The following DZIP3 variants were observed in gnomAD, a reference collection of about 807,000 sequenced individuals.
DZIP3 encodes the protein DAZ interacting zinc finger protein 3, also known as E3 ubiquitin-protein ligase DZIP3.
In DZIP3, 118 loss-of-function variants were observed where a neutral mutation model predicts 162.0. That is an observed-to-expected ratio of 0.73 (90% confidence interval 0.63 to 0.85). The LOEUF (loss-of-function observed/expected upper bound fraction) is 0.85. Ranked by LOEUF, DZIP3 falls within the 40% of genes least tolerant of loss-of-function variation. The pLI is 0.00. For missense variants in DZIP3, 1,331 were observed against 1,407.0 expected (o/e 0.95, Z 0.86); for synonymous variants, 438 against 458.6 (o/e 0.96, Z 0.57).
At chr3:108,674,834 G>A (rs1331330939) in intron 24 of DZIP3, among the ~76,000 whole-genome samples, 2 of 151,676 alleles carry the variant, frequency 1.3e-5, no homozygotes, top group Non-Finnish European at 2.9e-5. Context: ...TGGGACCCAG[G>A]CATCATTATT....
At chr3:108,629,397 C>T (rs991920868) in intron 8 of DZIP3, among the ~76,000 whole-genome samples, 3 of 152,154 alleles carry the variant, frequency 2.0e-5, no homozygotes, top group East Asian at 3.8e-4. Context: ...AATAATGATA[C>T]TAGGCCAGTA....
intron 21 of DZIP3, among the ~76,000 whole-genome samples, chr3:108,668,002 G>A (rs1011976184): frequency 6.6e-6 from 1 of 152,066 alleles, no homozygotes; most frequent in Non-Finnish European, 1.5e-5. Flanking sequence ...TCTGAACATT[G>A]CCCAAGAGTA....
At chr3:108,684,181 GTGTT>G in intron 26 of DZIP3, 31 bp from the exon 27 acceptor site, 1 of 1,567,322 alleles carries the variant, frequency 6.4e-7, no homozygotes, top group Non-Finnish European at 8.6e-7. Flanking sequence ...GTGGGGGGGG[GTGTT>G]GTTTATTATT....
In DZIP3 at chr3:108,688,917, A is replaced by G. The variant is rs368003594; in HGVS notation, c.3509A>G (p.His1170Arg). 1.2e-6 allele frequency: 2 copies of G among 1,613,954 alleles called. No homozygotes were observed. The highest frequency in any genetic ancestry group is 1.7e-6 in the Non-Finnish European group (2 of 1,179,948). ...GTTTTGCCTTGCGCTCACAAATTCCATGCTCAGGTAACACTTTAAATTTTC... is the reference window on the plus strand; with the variant it reads ...GTTTTGCCTTGCGCTCACAAATTCCGTGCTCAGGTAACACTTTAAATTTTC... ...LSVLPCAHKF[H>R]AQCIRPWLMQ... Residue 1170 changes from histidine to arginine, a missense_variant, in exon 31 of 33, where the codon CAT becomes CGT. By Grantham distance (29) the His-to-Arg change is conservative (BLOSUM62 0). Transcript: ENST00000361582.
chr3:108,593,425 T>C (rs1939533841), intron 1 of DZIP3, among the ~76,000 whole-genome samples: 1 of 151,350 alleles, frequency 6.6e-6, no homozygotes, highest in African/African-American at 2.5e-5. Context: ...TTCAGGATTT[T>C]ATTATATACC....
intron 7 of DZIP3, 36 bp from the exon 8 acceptor site, chr3:108,629,026 C>G (rs1941709825): frequency 1.5e-6 from 2 of 1,342,614 alleles, no homozygotes; most frequent in Non-Finnish European, 2.1e-6. Context: ...CTACACAGTC[C>G]CGTTCAAACT....
At chr3:108,606,430 A>G (rs1160548162) in intron 2 of DZIP3, among the ~76,000 whole-genome samples, 1 of 152,232 alleles carries the variant, frequency 6.6e-6, no homozygotes, top group Non-Finnish European at 1.5e-5. Context: ...GACTAAGACA[A>G]TATTTGTGTA....
rs562752542 is a variant in DZIP3 at position 108,667,040 on chromosome 3, C to T, written c.2424-2641C>T. 9.9e-5 allele frequency among the ~76,000 whole-genome samples: 15 copies of T among 151,902 alleles called. No individual in the cohort carries two copies. In the South Asian group the frequency reaches 2.9e-3, roughly 30 times the overall value. ...TTATAAAGATTAGAAATAATGGGAGCAGGATGCAGTGGTGCACACCTGTAG... is the reference window on the plus strand; with the variant it reads ...TTATAAAGATTAGAAATAATGGGAGTAGGATGCAGTGGTGCACACCTGTAG... On this transcript the variant is annotated intron_variant, in intron 21 of 32. Coordinates refer to ENST00000361582, the MANE Select transcript of DZIP3 (RefSeq NM_014648.4).
At chr3:108,650,124 A>G (rs1321415818) in intron 17 of DZIP3, among the ~76,000 whole-genome samples, 1 of 151,874 alleles carries the variant, frequency 6.6e-6, no homozygotes, top group Non-Finnish European at 1.5e-5. Context: ...AAATTAAAAT[A>G]TGGTAATGCT....
chr3:108,620,331 A>G (rs1941265705), intron 5 of DZIP3, among the ~76,000 whole-genome samples: 1 of 152,232 alleles, frequency 6.6e-6, no homozygotes. Context: ...GGTGCTCAGC[A>G]TAAATCATAG....
chr3:108,616,019 C>G (rs1462614363), intron 4 of DZIP3, among the ~76,000 whole-genome samples: 2 of 152,096 alleles, frequency 1.3e-5, no homozygotes, highest in Non-Finnish European at 2.9e-5. Flanking sequence ...AATCCCAGCA[C>G]TTTAGGAGGC....
At chr3:108,636,783 A>T (rs1305339986) in intron 11 of DZIP3, 75 bp downstream of exon 11, 1 of 1,029,618 alleles carries the variant, frequency 9.7e-7, no homozygotes, top group Admixed American at 2.5e-5. Context: ...CTTGAAACAG[A>T]CCTGGGGATC....
chr3:108,609,021 A>G (rs1940550318), intron 3 of DZIP3, among the ~76,000 whole-genome samples: 1 of 152,134 alleles, frequency 6.6e-6, no homozygotes, highest in East Asian at 1.9e-4. Flanking sequence ...AGAGAAAGAG[A>G]CCAAAGGGGA....
At chr3:108,611,458 A>G in intron 4 of DZIP3, 129 bp downstream of exon 4, 1 of 1,137,994 alleles carries the variant, frequency 8.8e-7, no homozygotes, top group Non-Finnish European at 1.2e-6. Context: ...ACTTCTTGTA[A>G]AGGGCTTTGT....
chr3:108,612,897 C>G (rs1053739810), intron 4 of DZIP3, among the ~76,000 whole-genome samples: 2 of 151,970 alleles, frequency 1.3e-5, no homozygotes, highest in Non-Finnish European at 2.9e-5. Flanking sequence ...AAGTAAAATA[C>G]TGAGTAAAAT....
chr3:108,616,017 C>T (rs1357826142), intron 4 of DZIP3, among the ~76,000 whole-genome samples: 1 of 152,102 alleles, frequency 6.6e-6, no homozygotes, highest in East Asian at 1.9e-4. Flanking sequence ...GTAATCCCAG[C>T]ACTTTAGGAG....
At chr3:108,655,793 C>T (rs1559761776) in intron 19 of DZIP3, among the ~76,000 whole-genome samples, 2 of 152,204 alleles carry the variant, frequency 1.3e-5, no homozygotes, top group African/African-American at 2.4e-5. Flanking sequence ...GGGTCACTCC[C>T]ACCCTAATGC....
At chr3:108,592,296 A>G (rs916550427) in intron 1 of DZIP3, among the ~76,000 whole-genome samples, 2 of 152,170 alleles carry the variant, frequency 1.3e-5, no homozygotes, top group African/African-American at 2.4e-5. Context: ...TTGGTGACTG[A>G]TAGTGGATGT....
chr3:108,635,085 C>T, intron 10 of DZIP3, 113 bp downstream of exon 10: 1 of 593,890 alleles, frequency 1.7e-6, no homozygotes, highest in Non-Finnish European at 2.9e-6. Flanking sequence ...CTTTTTACTT[C>T]CTCCTTTTTT....
Sources: gnomAD v4.1 joint callset for allele counts (sites outside exome capture counted in the v4.1 genomes callset) on GRCh38, gnomAD v4.1.1 for gene constraint, MANE v1.5 for transcripts, NCBI Gene and HGNC (gene_info 2026-07-23, HGNC 2026-07-21) for gene names.